APBB2: variants seen among roughly 807,000 people sequenced by gnomAD.
APBB2 encodes amyloid beta precursor protein binding family B member 2.
In APBB2, 38 loss-of-function variants were observed where a neutral mutation model predicts 82.5. That is an observed-to-expected ratio of 0.46 (90% CI 0.36 to 0.60). APBB2 has a LOEUF of 0.60. APBB2 is among the 20% of genes least tolerant of loss of function. The pLI, the probability that APBB2 is intolerant of heterozygous loss-of-function variation, is 0.00. For synonymous variants in APBB2, 341 were observed against 368.2 expected, an observed-to-expected ratio of 0.93 and a Z score of 0.85; for missense variants, 772 against 972.3, an observed-to-expected ratio of 0.79 and a Z score of 2.74.
At chr4:41,172,632 A>C (rs1486897883) in intron 1 of APBB2, among the ~76,000 whole-genome samples, 1 of 152,258 alleles carries the variant, frequency 6.6e-6, no homozygotes, top group Non-Finnish European at 1.5e-5. Flanking sequence ...CACTTCACGC[A>C]ATGGGAGTGG....
chr4:41,082,885 G>T (rs898732654), intron 3 of APBB2, among the ~76,000 whole-genome samples: 3 of 152,138 alleles, frequency 2.0e-5, no homozygotes, highest in African/African-American at 7.2e-5. Flanking sequence ...AATATAGGCT[G>T]TGCACGGTGG....
intron 6 of APBB2, among the ~76,000 whole-genome samples, chr4:40,972,439 A>AT (rs201441288): frequency 0.24 from 36,160 of 148,754 alleles, 4,636 homozygotes; most frequent in Middle Eastern, 0.31. Context: ...AAAAAAAAAA[A>AT]AATAATAATA....
At position 40,898,855 on chromosome 4, in the gene APBB2, T is replaced by TCACACACA. The variant is rs777366496; in HGVS notation, c.1255-5452_1255-5445dup. On this transcript the variant is annotated intron_variant, in intron 10 of 17. Coordinates refer to ENST00000508593, the MANE Select transcript of APBB2 (RefSeq NM_004307.2). ...AAAGAAAAAAGAAACACACACACAC[T>TCACACACA]CACACACACACACACACACACACAC... 2.5e-5 allele frequency among the ~76,000 whole-genome samples: 3 copies of TCACACACA among 118,168 alleles called. No homozygotes were observed. The South Asian group carries it at 1.0e-3, about 39-fold the overall frequency. The allele number at this position is 118,168 out of a possible 152,430, so 77.5% of individuals were successfully genotyped here. A position where few individuals can be genotyped will look rare whatever the true frequency, so the allele number is the denominator to read the frequency against.
chr4:41,143,280 A>C (rs958577700), intron 1 of APBB2, 138 bp from the exon 2 acceptor site: 12 of 152,240 alleles, frequency 7.9e-5, no homozygotes, highest in African/African-American at 2.7e-4. Context: ...GCAACAGCTT[A>C]CAAGGTATCC....
At chr4:41,013,502 T>A in intron 6 of APBB2, 81 bp downstream of exon 6, 2 of 1,342,066 alleles carry the variant, frequency 1.5e-6, no homozygotes, top group Non-Finnish European at 2.1e-6. Context: ...ACATTTTTGG[T>A]CAGTCTAGAG....
chr4:40,942,740 G>A (rs1481471572), intron 7 of APBB2, among the ~76,000 whole-genome samples: 2 of 152,100 alleles, frequency 1.3e-5, no homozygotes, highest in South Asian at 2.1e-4. Context: ...CAAGGGGTAC[G>A]ATGCAGGCAC....
In APBB2 at chr4:41,014,424, A is replaced by C. The variant is rs200746372; in HGVS notation, c.20-26T>G. 918 of 1,586,568 alleles carry C rather than the reference A, an allele frequency of 5.8e-4. No individual in the cohort carries two copies. The highest frequency in any genetic ancestry group is 2.2e-3 in the East Asian group (97 of 43,426). On this transcript the variant is annotated intron_variant, in intron 5 of 17. Transcript: ENST00000508593. ...CTGGGGAAAAAAAAAGTCATTAGAC[A>C]CCTGCCATGATTAAACTACTTAGTA...
Position 41,013,774 on chromosome 4 carries a change from T to C in APBB2, c.644A>G (p.Gln215Arg), listed in dbSNP as rs1809073257. 1 of 1,614,072 alleles carries C rather than the reference T, an allele frequency of 6.2e-7. No homozygotes were observed. Among genetic ancestry groups the C allele is most frequent in the African/African-American group, 1.3e-5 (1 of 74,926 alleles). ...DLLLQKPNRP[Q>R]SSPEDGQVAT... ...TACTTGGCCGTCTTCAGGGCTGGAC[T>C]GGGGTCTGTTTGGTTTCTGCAGCAG... Residue 215 changes from glutamine (Q) to arginine (R), a missense_variant, in exon 6 of 18, where the codon CAG (glutamine) becomes CGG (arginine). Coordinates refer to ENST00000508593, the MANE Select transcript of APBB2 (RefSeq NM_004307.2).
chr4:40,916,546 A>G (rs1444678112), intron 10 of APBB2, among the ~76,000 whole-genome samples: 1 of 152,226 alleles, frequency 6.6e-6, no homozygotes, highest in African/African-American at 2.4e-5. Flanking sequence ...GAAAGAAACA[A>G]TTTGGCCCAT....
At chr4:40,838,319 C>T (rs1441257985) in intron 12 of APBB2, among the ~76,000 whole-genome samples, 2 of 141,540 alleles carry the variant, frequency 1.4e-5, no homozygotes, top group Non-Finnish European at 3.0e-5. Flanking sequence ...TGCACCACCA[C>T]ACATGGCTAA....
intron 12 of APBB2, among the ~76,000 whole-genome samples, chr4:40,865,121 G>A (rs1311167308): frequency 1.3e-5 from 2 of 152,126 alleles, no homozygotes; most frequent in Admixed American, 1.3e-4. Context: ...GTCTCCCAAA[G>A]TGCTGGAATT....
At chr4:40,864,164 G>T (rs1370515791) in intron 12 of APBB2, among the ~76,000 whole-genome samples, 1 of 152,008 alleles carries the variant, frequency 6.6e-6, no homozygotes, top group Non-Finnish European at 1.5e-5. Context: ...TGAGGCAGGA[G>T]AATTGCTTGA....
At chr4:41,014,847 G>A (rs1809421090) in intron 5 of APBB2, among the ~76,000 whole-genome samples, 1 of 152,140 alleles carries the variant, frequency 6.6e-6, no homozygotes, top group Admixed American at 6.5e-5. Flanking sequence ...TAATTAACCT[G>A]AAAGGTCATT....
chr4:40,923,255 G>A (rs904031546), intron 10 of APBB2, among the ~76,000 whole-genome samples: 1 of 152,184 alleles, frequency 6.6e-6, no homozygotes, highest in Non-Finnish European at 1.5e-5. Flanking sequence ...GATTACAGGC[G>A]TGAGCCACGG....
chr4:41,134,670 A>AC (rs1265888970), intron 2 of APBB2, among the ~76,000 whole-genome samples: 1 of 152,126 alleles, frequency 6.6e-6, no homozygotes, highest in African/African-American at 2.4e-5. Flanking sequence ...ACTGGGTAAC[A>AC]CTGTCTCTGT....
At chr4:41,020,206 C>A (rs577840091) in intron 5 of APBB2, among the ~76,000 whole-genome samples, 4 of 152,362 alleles carry the variant, frequency 2.6e-5, no homozygotes, top group Admixed American at 2.6e-4. Flanking sequence ...AAGGGTGTAA[C>A]CCGAAAGCAC....
intron 4 of APBB2, 97 bp from the exon 5 acceptor site, chr4:41,033,401 T>C (rs995521160): frequency 6.4e-6 from 5 of 784,442 alleles, no homozygotes; most frequent in African/African-American, 5.5e-5. Context: ...AAAGCTGTTA[T>C]ATATACCAAA....
intron 6 of APBB2, among the ~76,000 whole-genome samples, chr4:41,000,043 GTA>G (rs1804713274): frequency 7.3e-6 from 1 of 137,212 alleles, no homozygotes. Context: ...GTGTGTGTGT[GTA>G]TGTATATGTA....
intron 12 of APBB2, chr4:40,848,807 G>C: frequency 1.0e-6 from 1 of 966,692 alleles, no homozygotes; most frequent in Non-Finnish European, 1.2e-6. Context: ...CTGATCGGCT[G>C]CTTGGTCTGC....
Sources: allele counts gnomAD v4.1 joint callset (sites outside exome capture counted in the v4.1 genomes callset), GRCh38; gene constraint gnomAD v4.1.1; transcripts MANE v1.5; gene names NCBI Gene and HGNC (gene_info 2026-07-23, HGNC 2026-07-21).